GNG7: variants seen among roughly 807,000 people sequenced by gnomAD.
The protein encoded by GNG7 is G protein subunit gamma 7.
GNG7 carries 1 observed loss-of-function variant against 4.0 expected under a neutral mutation model. That is an observed-to-expected ratio of 0.25 (90% confidence interval 0.09 to 1.18). The LOEUF is 1.18. GNG7 is among the 50% of genes most tolerant of loss of function. The pLI, the probability that GNG7 is intolerant of heterozygous loss-of-function variation, is 0.50. For missense variants in GNG7, 86 were observed against 91.9 expected (o/e 0.94, Z 0.26); for synonymous variants, 34 against 36.9 (o/e 0.92, Z 0.29).
chr19:2,569,075 G>C (rs1254886652), intron 2 of GNG7, among the ~76,000 whole-genome samples: 3 of 151,344 alleles, frequency 2.0e-5, no homozygotes, highest in African/African-American at 7.3e-5. Context: ...ATACACACAA[G>C]CATGCAAGCA....
chr19:2,674,013 C>G (rs1000290821), intron 1 of GNG7, among the ~76,000 whole-genome samples: 4 of 152,146 alleles, frequency 2.6e-5, no homozygotes, highest in Admixed American at 6.5e-5. Context: ...CCTGTAATCC[C>G]AGCACTTTGG....
At chr19:2,688,571 C>T (rs370337499) in intron 1 of GNG7, among the ~76,000 whole-genome samples, 2 of 152,150 alleles carry the variant, frequency 1.3e-5, no homozygotes, top group African/African-American at 2.4e-5. Context: ...AGAAGTAAGT[C>T]TGCACAATAC....
intron 3 of GNG7, among the ~76,000 whole-genome samples, chr19:2,538,949 T>G (rs1978848527): frequency 6.6e-6 from 1 of 151,622 alleles, no homozygotes; most frequent in African/African-American, 2.4e-5. Context: ...TTTTTTGTAT[T>G]TTTAGTAGAG....
At chr19:2,592,618 T>C (rs1173179344) in intron 2 of GNG7, among the ~76,000 whole-genome samples, 1 of 151,444 alleles carries the variant, frequency 6.6e-6, no homozygotes, top group African/African-American at 2.4e-5. Context: ...GTGCCCATGG[T>C]CCCAGCTACT....
At chr19:2,529,547 A>G (rs533617679) in intron 3 of GNG7, among the ~76,000 whole-genome samples, 1 of 152,296 alleles carries the variant, frequency 6.6e-6, no homozygotes, top group South Asian at 2.1e-4. Flanking sequence ...TTAAAGCATG[A>G]GCTTGGGCAA....
chr19:2,586,385 C>A (rs1980673287), intron 2 of GNG7, among the ~76,000 whole-genome samples: 1 of 152,206 alleles, frequency 6.6e-6, no homozygotes, highest in Admixed American at 6.5e-5. Context: ...TTCCGCTCAG[C>A]AGGCCCATAA....
At chr19:2,537,743 C>T (rs567928943) in intron 3 of GNG7, among the ~76,000 whole-genome samples, 7 of 151,160 alleles carry the variant, frequency 4.6e-5, no homozygotes, top group South Asian at 2.1e-4. Context: ...GGCTGGGACC[C>T]GGTTACAGTG....
At chr19:2,542,067 C>T (rs1292479515) in intron 3 of GNG7, among the ~76,000 whole-genome samples, 7 of 147,438 alleles carry the variant, frequency 4.7e-5, no homozygotes, top group South Asian at 2.2e-4. Flanking sequence ...GGTGCACAGT[C>T]GGGCCTTGGC....
intron 1 of GNG7, among the ~76,000 whole-genome samples, chr19:2,671,677 C>T (rs906065270): frequency 1.1e-4 from 17 of 152,158 alleles, no homozygotes; most frequent in African/African-American, 3.4e-4. Context: ...CCGCTCCTGC[C>T]CCAGTGGGTG....
chr19:2,563,090 G>A lies in GNG7; in HGVS notation c.-77-7902C>T, dbSNP rs373377034. 3.4e-4 allele frequency among the ~76,000 whole-genome samples: 52 copies of A among 151,876 alleles called. No homozygotes were observed. In the East Asian group the frequency reaches 5.1e-3, roughly 15 times the overall value. The stretch of plus-strand genomic sequence containing the variant: ...CTCCCAAGTAGCTGGGACTACAGGC[G>A]CCCACCACCACGCCCAGCTAATTTT... On this transcript the variant is annotated intron_variant, in intron 2 of 4. Coordinates refer to ENST00000382159, the MANE Select transcript of GNG7 (RefSeq NM_052847.3).
At chr19:2,605,949 A>G (rs1032182711) in intron 2 of GNG7, among the ~76,000 whole-genome samples, 1 of 152,196 alleles carries the variant, frequency 6.6e-6, no homozygotes, top group Non-Finnish European at 1.5e-5. Context: ...CACAGGTTCC[A>G]GACATTTAGG....
At chr19:2,605,267 C>T (rs1023979490) in intron 2 of GNG7, among the ~76,000 whole-genome samples, 8 of 152,096 alleles carry the variant, frequency 5.3e-5, no homozygotes, top group Admixed American at 2.6e-4. Flanking sequence ...GACACCATCT[C>T]GGCTCACTGC....
rs570463280 is a variant in GNG7, at chr19:2,511,547, A to T, written c.*3475T>A. 1 of 152,646 alleles carries T rather than the reference A, an allele frequency of 6.6e-6. No individual in the cohort carries two copies. The highest frequency in any genetic ancestry group is 2.1e-4 in the South Asian group (1 of 4,842). The allele number at this position is 152,646 out of a possible 1,614,324, so 9.5% of individuals were successfully genotyped here. On this transcript the variant is annotated 3_prime_UTR_variant, in exon 5 of 5. Coordinates refer to ENST00000382159, the MANE Select transcript of GNG7 (RefSeq NM_052847.3). This position sits in a 1 kb window ranked among gnomAD's most constrained non-coding sequence, Gnocchi z 6.3. ...TTTTTAATAAGTGACCCCTTGAGGA[A>T]GGGCGTGGTGGCTCCACCTCCACCC...
chr19:2,529,466 C>T (rs903603291), intron 3 of GNG7, among the ~76,000 whole-genome samples: 2 of 152,236 alleles, frequency 1.3e-5, no homozygotes, highest in African/African-American at 4.8e-5. Flanking sequence ...GATCCACCTG[C>T]CTGGGCCTCC....
chr19:2,701,915 C>T (rs1296064432), intron 1 of GNG7, among the ~76,000 whole-genome samples: 3 of 150,806 alleles, frequency 2.0e-5, no homozygotes, highest in African/African-American at 7.3e-5. Flanking sequence ...CAGCCCCCTC[C>T]CCAGCTAGCT....
At chr19:2,518,202 C>T (rs2144725707) in intron 4 of GNG7, among the ~76,000 whole-genome samples, 1 of 151,762 alleles carries the variant, frequency 6.6e-6, no homozygotes, top group African/African-American at 2.4e-5. Flanking sequence ...GGATGTAAAA[C>T]CTCAGGCGGG....
chr19:2,568,439 T>C (rs1415548311), intron 2 of GNG7, among the ~76,000 whole-genome samples: 3 of 112,692 alleles, frequency 2.7e-5, no homozygotes, highest in Admixed American at 1.0e-4. Flanking sequence ...TACATATACA[T>C]ACACACATAC....
At position 2,673,162 on chromosome 19, in the gene GNG7, CAGG is replaced by C. The variant is rs1983502282; in HGVS notation, c.-134-26885_-134-26883del. ...GTCCCAGCTACTCAGGAGGGTGAGCCAGGAGAATGGCCGTGAACCCGGGAGGCG... is the reference window on the plus strand; with the variant it reads ...GTCCCAGCTACTCAGGAGGGTGAGCCAGAATGGCCGTGAACCCGGGAGGCG... On this transcript the variant is annotated intron_variant, in intron 1 of 4. Coordinates refer to ENST00000382159, the MANE Select transcript of GNG7 (RefSeq NM_052847.3). 2.0e-5 allele frequency among the ~76,000 whole-genome samples: 3 copies of C among 151,212 alleles called. No individual in the cohort carries two copies. The South Asian group carries it at 6.3e-4, about 32-fold the overall frequency.
At chr19:2,567,632 C>T (rs1979964093) in intron 2 of GNG7, among the ~76,000 whole-genome samples, 1 of 152,134 alleles carries the variant, frequency 6.6e-6, no homozygotes, top group Admixed American at 6.6e-5. Context: ...GGCCGGTGTC[C>T]TCTGTCGTAT....
Sources: gnomAD v4.1 joint callset for allele counts (sites outside exome capture counted in the v4.1 genomes callset) on GRCh38, gnomAD v4.1.1 for gene constraint, Gnocchi (gnomAD v3.1) non-coding constraint, MANE v1.5 for transcripts, NCBI Gene and HGNC (gene_info 2026-07-23, HGNC 2026-07-21) for gene names.